ERBB4: variants seen among roughly 807,000 people sequenced by gnomAD.
ERBB4 encodes receptor tyrosine-protein kinase erbB-4.
A neutral mutation model predicts 158.0 loss-of-function variants in ERBB4; 42 were observed. That is an observed-to-expected ratio of 0.27 (90% confidence interval 0.21 to 0.34). The LOEUF (loss-of-function observed/expected upper bound fraction) is 0.34. Ranked by LOEUF, ERBB4 falls within the 10% of genes least tolerant of loss-of-function variation. The pLI is 1.00. For synonymous variants in ERBB4, 583 were observed against 558.7 expected, an observed-to-expected ratio of 1.04 and a Z score of -0.61; for missense variants, 1,333 against 1,624.1, an observed-to-expected ratio of 0.82 and a Z score of 3.08.
chr2:212,413,790 G>T (rs1416794424), intron 1 of ERBB4, among the ~76,000 whole-genome samples: 1 of 152,158 alleles, frequency 6.6e-6, no homozygotes, highest in East Asian at 1.9e-4. Flanking sequence ...ACACACATGT[G>T]CATTATAAAA....
chr2:212,450,359 T>C (rs2106018513), intron 1 of ERBB4, among the ~76,000 whole-genome samples: 1 of 152,236 alleles, frequency 6.6e-6, no homozygotes, highest in East Asian at 1.9e-4. Context: ...TCCTGGATTA[T>C]CTAAGTGAGC....
Position 211,544,358 on chromosome 2 carries a change from T to C in ERBB4, c.2487+17545A>G, listed in dbSNP as rs537108880. Among the ~76,000 whole-genome samples the C allele has an allele frequency of 2.8e-3, 432 of 152,206 alleles. 3 individuals are homozygous for C. Among genetic ancestry groups the C allele is most frequent in the African/African-American group, 9.7e-3 (402 of 41,580 alleles). On this transcript the variant is annotated intron_variant, in intron 20 of 27. Coordinates refer to ENST00000342788, the MANE Select transcript of ERBB4 (RefSeq NM_005235.3). ...TAAGAGCTTTTTTCCAATCATTTAATTAAGGCAAAAAATCAATTAGGCATG... is the reference window on the plus strand; with the variant it reads ...TAAGAGCTTTTTTCCAATCATTTAACTAAGGCAAAAAATCAATTAGGCATG...
chr2:212,518,651 G>A (rs1223571544), intron 1 of ERBB4, among the ~76,000 whole-genome samples: 2 of 151,950 alleles, frequency 1.3e-5, no homozygotes, highest in African/African-American at 2.4e-5. Flanking sequence ...GATCAATCTT[G>A]ACAATCTACT....
chr2:212,378,256 G>A (rs1343988782), intron 1 of ERBB4, among the ~76,000 whole-genome samples: 5 of 151,810 alleles, frequency 3.3e-5, no homozygotes, highest in African/African-American at 1.2e-4. Flanking sequence ...CAGAAGAGCT[G>A]CTTTGAACAG....
At chr2:211,818,527 A>T (rs986076247) in intron 3 of ERBB4, among the ~76,000 whole-genome samples, 4 of 152,072 alleles carry the variant, frequency 2.6e-5, no homozygotes, top group Admixed American at 2.6e-4. Flanking sequence ...AGAAACTATC[A>T]ATTAACAATG....
At chr2:211,964,740 A>G (rs2081267613) in intron 2 of ERBB4, among the ~76,000 whole-genome samples, 1 of 152,192 alleles carries the variant, frequency 6.6e-6, no homozygotes, top group African/African-American at 2.4e-5. Context: ...GTTAGTGTAC[A>G]AAAAGATAGA....
chr2:212,351,316 G>C lies in ERBB4; in HGVS notation c.82+187133C>G, dbSNP rs1365438209. Among the ~76,000 whole-genome samples, 3 of 152,250 alleles carry C rather than the reference G, an allele frequency of 2.0e-5. No homozygotes were observed. In the East Asian group the frequency reaches 5.8e-4, roughly 29 times the overall value. ...CAGAAATCAAAACTGCCAATGCCTTGATCTTGGACTTGTAGCCTCCAGAAC... is the reference window on the plus strand; with the variant it reads ...CAGAAATCAAAACTGCCAATGCCTTCATCTTGGACTTGTAGCCTCCAGAAC... On this transcript the variant is annotated intron_variant, in intron 1 of 27. Transcript: ENST00000342788.
intron 2 of ERBB4, among the ~76,000 whole-genome samples, chr2:211,992,401 G>GC (rs1231482591): frequency 6.6e-6 from 1 of 151,906 alleles, no homozygotes; most frequent in East Asian, 1.9e-4. Context: ...GGGAAAGACT[G>GC]CCCCCCATGA....
At chr2:211,570,255 T>G (rs1292954228) in intron 19 of ERBB4, among the ~76,000 whole-genome samples, 1 of 151,830 alleles carries the variant, frequency 6.6e-6, no homozygotes, top group African/African-American at 2.4e-5. Flanking sequence ...AGGTTCAAGC[T>G]ATTCTCCTGC....
At chr2:211,789,253 C>G (rs1356138176) in intron 3 of ERBB4, among the ~76,000 whole-genome samples, 1 of 152,112 alleles carries the variant, frequency 6.6e-6, no homozygotes, top group Non-Finnish European at 1.5e-5. Context: ...TTAATCAAAA[C>G]CCAATCAACA....
chr2:211,704,746 A>G (rs1269293070), intron 10 of ERBB4, among the ~76,000 whole-genome samples: 1 of 152,210 alleles, frequency 6.6e-6, no homozygotes. Context: ...ACAGAAAAAC[A>G]TAGTTTCAAA....
intron 9 of ERBB4, among the ~76,000 whole-genome samples, chr2:211,710,984 T>C (rs2073675579): frequency 6.6e-6 from 1 of 151,012 alleles, no homozygotes; most frequent in African/African-American, 2.4e-5. Context: ...CATGTAGGAA[T>C]ATGGGCCGAC....
intron 19 of ERBB4, among the ~76,000 whole-genome samples, chr2:211,589,680 T>C (rs1818751): frequency 0.75 from 113,859 of 151,984 alleles, 44,570 homozygotes; most frequent in East Asian, 0.89. Context: ...GCTAATTTTT[T>C]AATGATGTCA....
chr2:211,456,554 A>G (rs1468442070), intron 20 of ERBB4, among the ~76,000 whole-genome samples: 5 of 152,162 alleles, frequency 3.3e-5, no homozygotes, highest in Non-Finnish European at 7.3e-5. Flanking sequence ...GATGAGGTGG[A>G]TGTATTAAAT....
intron 3 of ERBB4, among the ~76,000 whole-genome samples, chr2:211,926,144 C>A (rs951865999): frequency 6.6e-6 from 1 of 152,116 alleles, no homozygotes; most frequent in Non-Finnish European, 1.5e-5. Context: ...TGGCTGAGAG[C>A]ATAACTGTAA....
In ERBB4 at chr2:211,639,813, C is replaced by T. The variant is rs369987819; in HGVS notation, c.1947-9219G>A. ...CTTGGCTCACTGCAACCTCCACCTC[C>T]GGAGTTCAAGCGACTCTCCTGACTT... On this transcript the variant is annotated intron_variant, in intron 16 of 27. Transcript: ENST00000342788. 1.5e-3 allele frequency among the ~76,000 whole-genome samples: 232 copies of T among 152,142 alleles called. 1 individual carries two copies. The highest frequency in any genetic ancestry group is 5.3e-3 in the African/African-American group (222 of 41,522).
At chr2:212,171,048 G>A (rs2081502473) in intron 1 of ERBB4, among the ~76,000 whole-genome samples, 1 of 152,116 alleles carries the variant, frequency 6.6e-6, no homozygotes, top group South Asian at 2.1e-4. Flanking sequence ...ACACCAGACT[G>A]TGAAAGCAGC....
chr2:212,296,430 G>C (rs1463506888), intron 1 of ERBB4, among the ~76,000 whole-genome samples: 1 of 151,858 alleles, frequency 6.6e-6, no homozygotes, highest in Non-Finnish European at 1.5e-5. Context: ...TATTCAATTT[G>C]TAGTGTCATA....
chr2:212,158,032 T>C (rs1341915201), intron 1 of ERBB4, among the ~76,000 whole-genome samples: 1 of 152,044 alleles, frequency 6.6e-6, no homozygotes, highest in African/African-American at 2.4e-5. Context: ...AAATTAATAA[T>C]AGTGATAATA....
Sources: allele counts gnomAD v4.1 joint callset (sites outside exome capture counted in the v4.1 genomes callset), GRCh38; gene constraint gnomAD v4.1.1; transcripts MANE v1.5; gene names NCBI Gene and HGNC (gene_info 2026-07-23, HGNC 2026-07-21).